Variants in PDZRN4 observed in about 807,000 individuals in gnomAD.
PDZRN4 encodes PDZ domain containing ring finger 4.
Under a neutral mutation model 99.0 loss-of-function variants are expected in PDZRN4, and 70 were observed. The observed-to-expected ratio is 0.71, with a 90% CI of 0.58 to 0.86. The LOEUF (loss-of-function observed/expected upper bound fraction) is 0.86. PDZRN4 is among the 40% of genes least tolerant of loss of function. The pLI is 0.00. For synonymous variants in PDZRN4, 551 were observed against 501.6 expected (o/e 1.10, Z -1.32); for missense variants, 1,474 against 1,331.2 (o/e 1.11, Z -1.67).
intron 5 of PDZRN4, among the ~76,000 whole-genome samples, chr12:41,524,397 A>G (rs1364903105): frequency 6.6e-6 from 1 of 152,186 alleles, no homozygotes; most frequent in African/African-American, 2.4e-5. Context: ...CCCATTTTAC[A>G]TATGAAAGAA....
intron 3 of PDZRN4, among the ~76,000 whole-genome samples, chr12:41,435,245 A>C (rs1301438048): frequency 6.6e-6 from 1 of 152,226 alleles, no homozygotes; most frequent in Non-Finnish European, 1.5e-5. Context: ...TGTTCATTCT[A>C]TACTTTTTGA....
At chr12:41,394,045 T>C (rs1437766350) in intron 3 of PDZRN4, among the ~76,000 whole-genome samples, 1 of 152,214 alleles carries the variant, frequency 6.6e-6, no homozygotes, top group Non-Finnish European at 1.5e-5. Flanking sequence ...ATTTCTCTTG[T>C]TCAGAGGCTA....
At chr12:41,465,922 A>G (rs1321050516) in intron 3 of PDZRN4, among the ~76,000 whole-genome samples, 1 of 152,198 alleles carries the variant, frequency 6.6e-6, no homozygotes, top group Non-Finnish European at 1.5e-5. Flanking sequence ...TTTCAATGCC[A>G]TTATCAGTTC....
intron 5 of PDZRN4, among the ~76,000 whole-genome samples, chr12:41,538,671 C>G (rs1392870717): frequency 6.6e-6 from 1 of 151,986 alleles, no homozygotes; most frequent in African/African-American, 2.4e-5. Context: ...AAAAATTAAA[C>G]ATTTTTAATA....
intron 3 of PDZRN4, among the ~76,000 whole-genome samples, chr12:41,374,965 C>A (rs1952068974): frequency 6.6e-6 from 1 of 152,180 alleles, no homozygotes; most frequent in Non-Finnish European, 1.5e-5. Context: ...TTTGTGCTCT[C>A]TCTCTTTCTC....
intron 3 of PDZRN4, among the ~76,000 whole-genome samples, chr12:41,443,428 A>G (rs2120475558): frequency 6.6e-6 from 1 of 152,286 alleles, no homozygotes; most frequent in East Asian, 1.9e-4. Flanking sequence ...CTAAAGTAAG[A>G]GGCAGACTCC....
intron 3 of PDZRN4, among the ~76,000 whole-genome samples, chr12:41,418,034 T>C (rs1344042297): frequency 6.6e-6 from 1 of 152,198 alleles, no homozygotes; most frequent in African/African-American, 2.4e-5. Context: ...TACAGGTTTG[T>C]ATATTTTTAT....
intron 3 of PDZRN4, among the ~76,000 whole-genome samples, chr12:41,491,028 C>T (rs964313536): frequency 1.3e-5 from 2 of 152,142 alleles, no homozygotes; most frequent in Non-Finnish European, 2.9e-5. Flanking sequence ...CTACCAGGCT[C>T]TCTGAGGGTT....
At chr12:41,190,167 TG>T (rs1443386182) in intron 1 of PDZRN4, among the ~76,000 whole-genome samples, 1 of 152,204 alleles carries the variant, frequency 6.6e-6, no homozygotes, top group Non-Finnish European at 1.5e-5. Flanking sequence ...TGGGACTGGC[TG>T]CTCCACACTG....
intron 3 of PDZRN4, among the ~76,000 whole-genome samples, chr12:41,216,663 A>C (rs949717694): frequency 6.6e-6 from 1 of 152,088 alleles, no homozygotes; most frequent in African/African-American, 2.4e-5. Context: ...GTAGGCAATA[A>C]TTGAGTAAAG....
intron 3 of PDZRN4, among the ~76,000 whole-genome samples, chr12:41,397,558 G>A (rs372408182): frequency 6.6e-6 from 1 of 152,162 alleles, no homozygotes; most frequent in East Asian, 1.9e-4. Flanking sequence ...CGTCTAATAG[G>A]ATTGACAAGG....
At chr12:41,378,801 G>A (rs1952101349) in intron 3 of PDZRN4, among the ~76,000 whole-genome samples, 1 of 152,128 alleles carries the variant, frequency 6.6e-6, no homozygotes, top group African/African-American at 2.4e-5. Context: ...GGGATTACAG[G>A]CGTGAGCCAC....
At chr12:41,323,976 T>C (rs1244633643) in intron 3 of PDZRN4, among the ~76,000 whole-genome samples, 1 of 152,056 alleles carries the variant, frequency 6.6e-6, no homozygotes, top group Non-Finnish European at 1.5e-5. Context: ...TTTAGGCTTA[T>C]TTCTTTTGAA....
intron 5 of PDZRN4, 85 bp from the exon 6 acceptor site, chr12:41,552,571 A>C: frequency 9.8e-7 from 1 of 1,017,094 alleles, no homozygotes; most frequent in East Asian, 2.5e-5. Context: ...TTGCCAGAGT[A>C]ACCCAAAGAA....
chr12:41,221,792 G>C (rs1028906981), intron 3 of PDZRN4, among the ~76,000 whole-genome samples: 5 of 152,082 alleles, frequency 3.3e-5, no homozygotes, highest in African/African-American at 4.8e-5. Flanking sequence ...TAAGTGGTGA[G>C]AAGGAGGCAA....
At chr12:41,404,745 A>G (rs965058755) in intron 3 of PDZRN4, among the ~76,000 whole-genome samples, 4 of 52,680 alleles carry the variant, frequency 7.6e-5, no homozygotes, top group African/African-American at 2.9e-4. Context: ...AAGCTATACT[A>G]AAAAAAAAAA....
At chr12:41,393,146 A>T (rs1309313668) in intron 3 of PDZRN4, among the ~76,000 whole-genome samples, 1 of 152,094 alleles carries the variant, frequency 6.6e-6, no homozygotes, top group African/African-American at 2.4e-5. Context: ...AATTTATAGG[A>T]TTTACTATGC....
chr12:41,265,796 C>A (rs949489699), intron 3 of PDZRN4, among the ~76,000 whole-genome samples: 16 of 151,820 alleles, frequency 1.1e-4, no homozygotes, highest in African/African-American at 3.6e-4. Context: ...AATTGCAAAC[C>A]AGAATGATGT....
intron 3 of PDZRN4, among the ~76,000 whole-genome samples, chr12:41,464,067 C>T (rs1952899761): frequency 1.3e-5 from 2 of 152,088 alleles, no homozygotes; most frequent in South Asian, 4.2e-4. Flanking sequence ...TCCAAGCACG[C>T]CAGGAGAATA....
Sources: gnomAD v4.1 joint callset for allele counts (sites outside exome capture counted in the v4.1 genomes callset) on GRCh38, gnomAD v4.1.1 for gene constraint, MANE v1.5 for transcripts, NCBI Gene and HGNC (gene_info 2026-07-23, HGNC 2026-07-21) for gene names.